The following GSPT1 variants were observed in gnomAD, a reference collection of about 807,000 sequenced individuals.
The protein encoded by GSPT1 is eukaryotic peptide chain release factor GTP-binding subunit ERF3A.
A neutral mutation model predicts 72.5 loss-of-function variants in GSPT1; 20 were observed. That is an observed-to-expected ratio of 0.28 (90% CI 0.19 to 0.40). The LOEUF (loss-of-function observed/expected upper bound fraction) is 0.40, where lower values mean the gene tolerates loss of function less well. GSPT1 is among the 10% of genes least tolerant of loss of function. The pLI is 1.00. For missense variants in GSPT1, 580 were observed against 811.9 expected (o/e 0.71, Z 3.47); for synonymous variants, 334 against 293.5 (o/e 1.14, Z -1.41).
intron 11 of GSPT1, chr16:11,882,521 C>A: frequency 6.5e-6 from 1 of 152,758 alleles, no homozygotes; most frequent in Non-Finnish European, 1.5e-5. Context: ...TAAATAAATT[C>A]TCACTGAAAT....
intron 11 of GSPT1, among the ~76,000 whole-genome samples, chr16:11,880,847 T>C (rs1045353462): frequency 1.3e-5 from 2 of 152,234 alleles, no homozygotes; most frequent in African/African-American, 4.8e-5. Flanking sequence ...ATGTTTTCTC[T>C]CATTCCGTAG....
At position 11,868,526 on chromosome 16, in the gene GSPT1, C is replaced by T. The variant is rs1427784380; in HGVS notation, c.*4593G>A. 6.6e-6 allele frequency: 1 copy of T among 152,144 alleles called. No homozygotes were observed. The highest frequency in any genetic ancestry group is 1.5e-5 in the Non-Finnish European group (1 of 68,052). The allele number at this position is 152,144 out of a possible 1,614,324, so 9.4% of individuals were successfully genotyped here. The stretch of plus-strand genomic sequence containing the variant: ...GATGTGTGAGTCCTTAAAATGTAGA[C>T]CTTGCAGGAGGCTTAGACCTCAGTT... On this transcript the variant is annotated 3_prime_UTR_variant, in exon 15 of 15. Transcript: ENST00000434724.
rs2054252878 is a variant in GSPT1, at chr16:11,891,127, T to G, written c.711A>C (p.Gly237=). 6.8e-7 allele frequency: 1 copy of G among 1,472,490 alleles called. No homozygotes were observed. Among genetic ancestry groups the G allele is most frequent in the Non-Finnish European group, 9.2e-7 (1 of 1,085,584 alleles). 91.2% of individuals were successfully genotyped at this position (1,472,490 alleles called of 1,614,324 possible). Residue 237 remains glycine, a synonymous_variant, in exon 6 of 15, where the codon GGA becomes GGC. Transcript: ENST00000434724. ...TIGGQIMYLT[G]MVDKRTLEKY... is the part of the protein sequence containing the mutation. ...TTTCAAGCGTCCTTTTGTCAACCAT[T>G]CCAGTCAAATACCTGAAAACATTTA...
intron 1 of GSPT1, among the ~76,000 whole-genome samples, chr16:11,912,608 G>C (rs2054575025): frequency 6.6e-6 from 1 of 152,158 alleles, no homozygotes. Flanking sequence ...TACTTTAGAA[G>C]CTCTGGCTGT....
chr16:11,871,108 A>G lies in GSPT1; in HGVS notation c.*2011T>C, dbSNP rs577792118. 1 of 152,316 alleles carries G rather than the reference A, an allele frequency of 6.6e-6. No homozygotes were observed. Among genetic ancestry groups the G allele is most frequent in the South Asian group, 2.1e-4 (1 of 4,828 alleles). 9.4% of individuals were successfully genotyped at this position (152,316 alleles called of 1,614,324 possible). A position where few individuals can be genotyped will look rare whatever the true frequency, so the allele number is the denominator to read the frequency against. On this transcript the variant is annotated 3_prime_UTR_variant, in exon 15 of 15. Transcript: ENST00000434724. ...CTATTATGTTTTGATTAAAGCTCCT[A>G]TATTTTCCAGAAAAATAAAAGCCCA...
At chr16:11,892,918 A>C (rs1022714152) in intron 5 of GSPT1, among the ~76,000 whole-genome samples, 1 of 151,634 alleles carries the variant, frequency 6.6e-6, no homozygotes, top group African/African-American at 2.4e-5. Flanking sequence ...ACCTTAACCA[A>C]GTAATCATGA....
At position 11,915,941 on chromosome 16, in the gene GSPT1, C is replaced by G. The variant is rs374991142; in HGVS notation, c.-221G>C. 4 of 748,622 alleles carry G rather than the reference C, an allele frequency of 5.3e-6. No individual in the cohort carries two copies. Among genetic ancestry groups the G allele is most frequent in the Non-Finnish European group, 9.7e-6 (4 of 412,524 alleles). The allele number at this position is 748,622 out of a possible 1,614,324, so 46.4% of individuals were successfully genotyped here. ...GCGGCGGCGGCAGCTCAACCCTCCT[C>G]CTCGTGTGTGTGAGCGGATCTCCTC... On this transcript the variant is annotated 5_prime_UTR_variant, in exon 1 of 15. Transcript: ENST00000434724.
At chr16:11,887,914 G>T (rs1457490602) in intron 6 of GSPT1, among the ~76,000 whole-genome samples, 164 bp from the exon 7 acceptor site, 1 of 152,128 alleles carries the variant, frequency 6.6e-6, no homozygotes, top group Non-Finnish European at 1.5e-5. Flanking sequence ...TCTGTAATCT[G>T]AGCACTTTGG....
intron 1 of GSPT1, chr16:11,914,953 CG>C (rs1372084490): frequency 8.4e-7 from 1 of 1,196,584 alleles, no homozygotes; most frequent in Admixed American, 2.3e-5. Flanking sequence ...CTCGGCCATT[CG>C]TCCTCCCCAA....
At chr16:11,906,960 A>G (rs2054498104) in intron 1 of GSPT1, among the ~76,000 whole-genome samples, 1 of 152,230 alleles carries the variant, frequency 6.6e-6, no homozygotes, top group Admixed American at 6.5e-5. Context: ...GTAAAAGCAA[A>G]CACCAGAAAG....
At position 11,868,876 on chromosome 16, in the gene GSPT1, G is replaced by C. The variant is rs961005726; in HGVS notation, c.*4243C>G. The C allele has an allele frequency of 3.9e-5, 6 of 152,190 alleles. No individual in the cohort carries two copies. Among genetic ancestry groups the C allele is most frequent in the Non-Finnish European group, 7.3e-5 (5 of 68,046 alleles). The allele number at this position is 152,190 out of a possible 1,614,324, so 9.4% of individuals were successfully genotyped here. On this transcript the variant is annotated 3_prime_UTR_variant, in exon 15 of 15. Coordinates refer to ENST00000434724, the MANE Select transcript of GSPT1 (RefSeq NM_002094.4). Reference sequence around the variant, plus strand: ...GGTGTTTTCTGCCTAATCAGAAGTAGTACCAACCTGCTTTTCCCTTATATT... The same window carrying C: ...GGTGTTTTCTGCCTAATCAGAAGTACTACCAACCTGCTTTTCCCTTATATT...
chr16:11,869,793 C>T lies in GSPT1; in HGVS notation c.*3326G>A, dbSNP rs1409143425. 6.6e-6 allele frequency: 1 copy of T among 152,206 alleles called. No individual in the cohort carries two copies. Among genetic ancestry groups the T allele is most frequent in the Non-Finnish European group, 1.5e-5 (1 of 68,032 alleles). The allele number at this position is 152,206 out of a possible 1,614,324, so 9.4% of individuals were successfully genotyped here. A position where few individuals can be genotyped will look rare whatever the true frequency, so the allele number is the denominator to read the frequency against. On this transcript the variant is annotated 3_prime_UTR_variant, in exon 15 of 15. Transcript: ENST00000434724. The stretch of plus-strand genomic sequence containing the variant: ...GTAATTCCAGTCATTACTAGTGTTC[C>T]TGCAGATCGCCAAGGGAGCTTAGCT...
intron 5 of GSPT1, 138 bp downstream of exon 5, chr16:11,894,816 G>T: frequency 3.4e-6 from 2 of 586,792 alleles, no homozygotes; most frequent in East Asian, 3.1e-5. Flanking sequence ...CATCAGTATT[G>T]TGTCCCAGTA....
In GSPT1 at chr16:11,870,231, C is replaced by T. The variant is rs2053963746; in HGVS notation, c.*2888G>A. Reference sequence around the variant, plus strand: ...TTTGGTTTGATTTTACATAGATTTTCACTTACTTCTGCAAATTAAAAACAA... The same window carrying T: ...TTTGGTTTGATTTTACATAGATTTTTACTTACTTCTGCAAATTAAAAACAA... On this transcript the variant is annotated 3_prime_UTR_variant, in exon 15 of 15. Transcript: ENST00000434724. 6.6e-6 allele frequency: 1 copy of T among 152,310 alleles called. No homozygotes were observed. The highest frequency in any genetic ancestry group is 2.1e-4 in the South Asian group (1 of 4,830). 9.4% of individuals were successfully genotyped at this position (152,310 alleles called of 1,614,324 possible). A position where few individuals can be genotyped will look rare whatever the true frequency, so the allele number is the denominator to read the frequency against.
chr16:11,898,528 C>CAG (rs2054368499), intron 1 of GSPT1, among the ~76,000 whole-genome samples: 1 of 150,340 alleles, frequency 6.7e-6, no homozygotes, highest in Admixed American at 6.7e-5. Context: ...CTTGGCTTAC[C>CAG]GCAACCTCCA....
rs1452015440 is a variant in GSPT1, at chr16:11,877,641, A to G, written c.1429-61T>C. 2 of 951,042 alleles carry G rather than the reference A, an allele frequency of 2.1e-6. No homozygotes were observed. The highest frequency in any genetic ancestry group is 3.1e-6 in the Non-Finnish European group (2 of 649,860). The allele number at this position is 951,042 out of a possible 1,614,324, so 58.9% of individuals were successfully genotyped here. ...CATTCACTGCATTACGCAACATAAA[A>G]TGATCTGAATGTCTGTCTGCTCAAT... On this transcript the variant is annotated intron_variant, in intron 11 of 14. Coordinates refer to ENST00000434724, the MANE Select transcript of GSPT1 (RefSeq NM_002094.4). This position sits in a 1 kb window ranked among gnomAD's most constrained non-coding sequence, Gnocchi z 4.0.
At chr16:11,890,373 A>T (rs1191234442) in intron 6 of GSPT1, among the ~76,000 whole-genome samples, 1 of 152,200 alleles carries the variant, frequency 6.6e-6, no homozygotes, top group East Asian at 1.9e-4. Flanking sequence ...CTTCAATATC[A>T]CACTGCCAGG....
rs963724588 is a variant in GSPT1 at position 11,877,960 on chromosome 16, C to T, written c.1429-380G>A. Among the ~76,000 whole-genome samples, 2 of 152,144 alleles carry T rather than the reference C, an allele frequency of 1.3e-5. No individual in the cohort carries two copies. Among genetic ancestry groups the T allele is most frequent in the Admixed American group, 1.3e-4 (2 of 15,272 alleles). On this transcript the variant is annotated intron_variant, in intron 11 of 14. Transcript: ENST00000434724. This position sits in a 1 kb window ranked among gnomAD's most constrained non-coding sequence, Gnocchi z 4.0. ...ATGAAGGATTTAATAAACCTGTCTT[C>T]TATTACCTATCAATCTCCAAATATC...
chr16:11,886,041 A>C (rs146246501), intron 9 of GSPT1, among the ~76,000 whole-genome samples: 71 of 152,358 alleles, frequency 4.7e-4, no homozygotes, highest in African/African-American at 1.6e-3. Flanking sequence ...ATACAAAAAC[A>C]AAACAAACCT....
Sources: allele counts gnomAD v4.1 joint callset (sites outside exome capture counted in the v4.1 genomes callset), GRCh38; gene constraint gnomAD v4.1.1; non-coding constraint Gnocchi (gnomAD v3.1); transcripts MANE v1.5; gene names NCBI Gene and HGNC (gene_info 2026-07-23, HGNC 2026-07-21).